The following STAM variants were observed in gnomAD, a reference collection of about 807,000 sequenced individuals.
STAM encodes the protein signal transducing adaptor molecule.
A neutral mutation model predicts 63.4 loss-of-function variants in STAM; 16 were observed. That is an observed-to-expected ratio of 0.25 (90% confidence interval 0.17 to 0.38). The LOEUF is 0.38. STAM is among the 10% of genes least tolerant of loss of function. The pLI, the probability that STAM is intolerant of heterozygous loss-of-function variation, is 1.00. For synonymous variants in STAM, 238 were observed against 223.9 expected, an observed-to-expected ratio of 1.06 and a Z score of -0.56; for missense variants, 636 against 657.1, an observed-to-expected ratio of 0.97 and a Z score of 0.35.
At position 17,696,762 on chromosome 10, in the gene STAM, T is replaced by C. The variant is rs782577972; in HGVS notation, c.729-13T>C. On this transcript the variant is annotated splice_polypyrimidine_tract_variant and intron_variant, in intron 7 of 13. Coordinates refer to ENST00000377524, the MANE Select transcript of STAM (RefSeq NM_003473.4). ...ATTTGTTATGGTAAAGCATTGTTTT[T>C]TGTTTGTCATAGTGATCCTAACTGG... is the stretch of plus-strand genomic sequence containing the variant. 3.2e-6 allele frequency: 5 copies of C among 1,578,332 alleles called. No individual in the cohort carries two copies. The South Asian group carries it at 4.4e-5, about 14-fold the overall frequency.
chr10:17,658,844 A>G (rs1424038978), intron 1 of STAM, among the ~76,000 whole-genome samples: 1 of 152,132 alleles, frequency 6.6e-6, no homozygotes, highest in Admixed American at 6.5e-5. Flanking sequence ...TTTCTTATAG[A>G]CAACATACAG....
Position 17,687,953 on chromosome 10 carries a change from T to C in STAM, c.298-74T>C, listed in dbSNP as rs959933710. The stretch of plus-strand genomic sequence containing the variant: ...TTCAAAAAACATCACTTAATAACTT[T>C]ACTATTTAAAATGTCTGTATTAAAT... On this transcript the variant is annotated intron_variant, in intron 4 of 13. Coordinates refer to ENST00000377524, the MANE Select transcript of STAM (RefSeq NM_003473.4). 3.4e-5 allele frequency: 43 copies of C among 1,271,382 alleles called. 2 individuals carry two copies. The South Asian group carries it at 7.5e-4, about 22-fold the overall frequency. 78.8% of individuals were successfully genotyped at this position (1,271,382 alleles called of 1,614,324 possible). A position where few individuals can be genotyped will look rare whatever the true frequency, so the allele number is the denominator to read the frequency against.
chr10:17,688,148 T>G lies in STAM; in HGVS notation c.419T>G (p.Val140Gly). 6.3e-7 allele frequency: 1 copy of G among 1,576,740 alleles called. No homozygotes were observed. Among genetic ancestry groups the G allele is most frequent in the South Asian group, 1.2e-5 (1 of 83,198 alleles). Residue 140 changes from valine (V) to glycine (G), a missense_variant, in exon 5 of 14, where the codon GTT (valine) becomes GGT (glycine). Physicochemically the swap from Val to Gly is moderately radical, Grantham distance 109. Coordinates refer to ENST00000377524, the MANE Select transcript of STAM (RefSeq NM_003473.4). Reference protein sequence around the residue: ...AMIKNLKEQGVTFPAIGSQAA... With the variant: ...AMIKNLKEQGGTFPAIGSQAA... ...ATTAAGAACCTTAAGGAACAAGGAGTTACGTTCCCAGCTATTGGCTCTCAG... is the reference window on the plus strand; with the variant it reads ...ATTAAGAACCTTAAGGAACAAGGAGGTACGTTCCCAGCTATTGGCTCTCAG...
intron 9 of STAM, 98 bp from the exon 10 acceptor site, chr10:17,704,333 C>T: frequency 1.2e-5 from 13 of 1,043,984 alleles, no homozygotes; most frequent in Non-Finnish European, 1.7e-5. Context: ...GTCTCCATAA[C>T]TATGAATTTC....
rs781885438 is a variant in STAM at position 17,693,345 on chromosome 10, C to CATA, written c.535+35_535+37dup. The CATA allele has an allele frequency of 1.2e-5, 18 of 1,502,322 alleles. No homozygotes were observed. The African/African-American group carries it at 2.4e-4, about 20-fold the overall frequency. 93.1% of individuals were successfully genotyped at this position (1,502,322 alleles called of 1,614,324 possible). ...TTTAAGTCCCTGATGGTGGGAATAACATAAGCCTTTATTTTTTCTCTGAGA... is the reference window on the plus strand; with the variant it reads ...TTTAAGTCCCTGATGGTGGGAATAACATAATAAGCCTTTATTTTTTCTCTGAGA... On this transcript the variant is annotated intron_variant, in intron 6 of 13. Coordinates refer to ENST00000377524, the MANE Select transcript of STAM (RefSeq NM_003473.4).
chr10:17,670,000 G>T (rs1322289627), intron 2 of STAM, among the ~76,000 whole-genome samples: 2 of 151,548 alleles, frequency 1.3e-5, no homozygotes, highest in Non-Finnish European at 2.9e-5. Flanking sequence ...AAAGTGCTGG[G>T]ATCACAGGCG....
chr10:17,709,238 A>G (rs1836445122), intron 13 of STAM, among the ~76,000 whole-genome samples: 1 of 152,124 alleles, frequency 6.6e-6, no homozygotes, highest in Non-Finnish European at 1.5e-5. Context: ...TGCATCTATG[A>G]TATTTGATAA....
intron 2 of STAM, among the ~76,000 whole-genome samples, chr10:17,666,587 C>G (rs191099443): frequency 1.3e-5 from 2 of 151,656 alleles, no homozygotes; most frequent in African/African-American, 4.8e-5. Context: ...TTAGTAGAGA[C>G]GGGGTTTCAC....
chr10:17,645,001 A>G (rs1554820653), intron 1 of STAM, among the ~76,000 whole-genome samples: 1 of 152,230 alleles, frequency 6.6e-6, no homozygotes, highest in Non-Finnish European at 1.5e-5. Context: ...AAAAGGTGTA[A>G]AGAAGTGTGG....
intron 1 of STAM, among the ~76,000 whole-genome samples, chr10:17,657,084 A>T (rs1177317325): frequency 1.3e-5 from 2 of 152,052 alleles, no homozygotes; most frequent in African/African-American, 4.8e-5. Context: ...GTGCCCCAGG[A>T]AGGTCGTATA....
intron 1 of STAM, among the ~76,000 whole-genome samples, chr10:17,655,425 C>G (rs1222422834): frequency 6.6e-6 from 1 of 152,092 alleles, no homozygotes; most frequent in East Asian, 1.9e-4. Flanking sequence ...AGGTACCCTA[C>G]CTAACCAATA....
At chr10:17,657,426 T>C (rs1833985187) in intron 1 of STAM, among the ~76,000 whole-genome samples, 1 of 152,210 alleles carries the variant, frequency 6.6e-6, no homozygotes, top group South Asian at 2.1e-4. Flanking sequence ...GGCCTATAGT[T>C]TTCTTGTAAT....
intron 1 of STAM, among the ~76,000 whole-genome samples, chr10:17,660,086 T>C (rs1468071638): frequency 6.6e-6 from 1 of 152,150 alleles, no homozygotes; most frequent in African/African-American, 2.4e-5. Flanking sequence ...AATAATTAAC[T>C]TAATTACCTG....
chr10:17,653,641 AG>A (rs1554821806), intron 1 of STAM, among the ~76,000 whole-genome samples: 2 of 152,220 alleles, frequency 1.3e-5, no homozygotes, highest in Non-Finnish European at 2.9e-5. Flanking sequence ...GAACACATAG[AG>A]ACATTTTTCT....
At chr10:17,679,682 T>G (rs1186291934) in intron 2 of STAM, among the ~76,000 whole-genome samples, 1 of 152,066 alleles carries the variant, frequency 6.6e-6, no homozygotes, top group Non-Finnish European at 1.5e-5. Context: ...GGAAGTTTTC[T>G]TAATCAGTAA....
chr10:17,714,675 C>G lies in STAM; in HGVS notation c.1518C>G (p.Pro506=), dbSNP rs549115319. Residue 506 remains proline (P), a synonymous_variant, in exon 14 of 14, where the codon CCC becomes CCG. Coordinates refer to ENST00000377524, the MANE Select transcript of STAM (RefSeq NM_003473.4). Reference sequence around the variant, plus strand: ...ACCAGAATGCAGGACCTAATATGCCCCAGGTGCCAAACTATAACTTAACAT... The same window carrying G: ...ACCAGAATGCAGGACCTAATATGCCGCAGGTGCCAAACTATAACTTAACAT... ...TLYQNAGPNM[P]QVPNYNLTSS... is the part of the protein sequence containing the mutation. 2 of 1,614,076 alleles carry G rather than the reference C, an allele frequency of 1.2e-6. No individual in the cohort carries two copies. Among genetic ancestry groups the G allele is most frequent in the Admixed American group, 3.3e-5 (2 of 60,016 alleles).
At chr10:17,700,539 A>G (rs1554828245) in intron 9 of STAM, among the ~76,000 whole-genome samples, 3 of 151,486 alleles carry the variant, frequency 2.0e-5, no homozygotes, top group East Asian at 1.9e-4. Context: ...TATTTAATCT[A>G]TTGTTGAATG....
At chr10:17,713,656 T>G (rs974803806) in intron 13 of STAM, among the ~76,000 whole-genome samples, 2 of 152,134 alleles carry the variant, frequency 1.3e-5, no homozygotes, top group Non-Finnish European at 2.9e-5. Flanking sequence ...GAAGGCATTA[T>G]CTTCAAAATC....
rs781950336 is a variant in STAM at position 17,684,844 on chromosome 10, T to G, written c.214T>G (p.Cys72Gly). The G allele has an allele frequency of 6.2e-7, 1 of 1,614,048 alleles. No individual in the cohort carries two copies. Among genetic ancestry groups the G allele is most frequent in the Non-Finnish European group, 8.5e-7 (1 of 1,179,948 alleles). ...AMQALTLLGA[C>G]VSNCGKIFHL... ...TTTGTGCTTTTAGCTTCTAGGAGCA[T>G]GTGTATCAAACTGTGGCAAAATTTT... Residue 72 changes from cysteine to glycine, a missense_variant, in exon 4 of 14, where the codon TGT (cysteine) becomes GGT (glycine). Physicochemically the swap from Cys to Gly is radical, Grantham distance 159. Around this residue, in one of 3 missense-constraint regions of STAM, gnomAD observed 17 missense variants for 39.9 expected, o/e 0.43. Coordinates refer to ENST00000377524, the MANE Select transcript of STAM (RefSeq NM_003473.4).
Sources: allele counts gnomAD v4.1 joint callset (sites outside exome capture counted in the v4.1 genomes callset), GRCh38; gene constraint gnomAD v4.1.1; regional missense constraint gnomAD v4.1.1; transcripts MANE v1.5; gene names NCBI Gene and HGNC (gene_info 2026-07-23, HGNC 2026-07-21).